The following WASHC5 variants were observed in gnomAD, a reference collection of about 807,000 sequenced individuals.
WASHC5 encodes WASH complex subunit strumpellin.
A neutral mutation model predicts 150.4 loss-of-function variants in WASHC5; 101 were observed. That is an observed-to-expected ratio of 0.67 (90% CI 0.57 to 0.79). WASHC5 has a LOEUF of 0.79. Among genes scored for constraint, WASHC5 ranks in the 30% least tolerant of loss-of-function variants. The pLI, the probability that WASHC5 is intolerant of heterozygous loss-of-function variation, is 0.00. For missense variants in WASHC5, 1,195 were observed against 1,396.3 expected, an observed-to-expected ratio of 0.86 and a Z score of 2.30; for synonymous variants, 467 against 491.2, an observed-to-expected ratio of 0.95 and a Z score of 0.65.
chr8:125,071,015 G>A (rs1206483752), intron 9 of WASHC5, among the ~76,000 whole-genome samples: 1 of 152,226 alleles, frequency 6.6e-6, no homozygotes, highest in East Asian at 1.9e-4. Flanking sequence ...ACAAAGGAAG[G>A]CTACAGAGAA....
chr8:125,059,083 C>T (rs1410894019), intron 14 of WASHC5, 139 bp downstream of exon 14: 4 of 701,276 alleles, frequency 5.7e-6, no homozygotes, highest in African/African-American at 3.6e-5. Flanking sequence ...GGAAAAACTG[C>T]TAACAATTTC....
At chr8:125,037,472 T>G in intron 25 of WASHC5, 139 bp from the exon 26 acceptor site, 1 of 675,640 alleles carries the variant, frequency 1.5e-6, no homozygotes, top group Non-Finnish European at 2.7e-6. Flanking sequence ...TCCATTAATT[T>G]GCTGCCTTCA....
chr8:125,069,403 G>A (rs1228852652), intron 9 of WASHC5, among the ~76,000 whole-genome samples: 1 of 152,134 alleles, frequency 6.6e-6, no homozygotes, highest in Non-Finnish European at 1.5e-5. Flanking sequence ...AAAACTCTAA[G>A]ACTTAAACAG....
intron 9 of WASHC5, 33 bp downstream of exon 9, chr8:125,073,120 G>A: frequency 6.2e-7 from 1 of 1,607,680 alleles, no homozygotes; most frequent in South Asian, 1.1e-5. Context: ...TTTATGTGGA[G>A]TAATATAAAC....
chr8:125,045,352 T>C (rs1816033182), intron 20 of WASHC5, among the ~76,000 whole-genome samples: 1 of 152,222 alleles, frequency 6.6e-6, no homozygotes, highest in South Asian at 2.1e-4. Flanking sequence ...ATCCTCATAA[T>C]AGCTCTGTGG....
rs778430741 is a variant in WASHC5 at position 125,067,699 on chromosome 8, G to A, written c.1171C>T (p.Arg391Cys). ...ATCTGGTCCTTGATTTGACGAAGGC[G>A]TTTGTTGTTTGGGTCACAGGCTAGA... The part of the protein sequence containing the change: ...ADSACDPNNK[R>C]LRQIKDQILT... Residue 391 changes from arginine to cysteine, a missense_variant, in exon 10 of 29, where the codon CGC becomes TGC. Physicochemically the swap from Arg to Cys is radical, Grantham distance 180 (BLOSUM62 -3). Coordinates refer to ENST00000318410, the MANE Select transcript of WASHC5 (RefSeq NM_014846.4). 8.1e-6 allele frequency: 13 copies of A among 1,613,804 alleles called. No individual in the cohort carries two copies. The highest frequency in any genetic ancestry group is 4.5e-5 in the East Asian group (2 of 44,866).
chr8:125,055,559 T>C (rs764694173), intron 17 of WASHC5, 32 bp downstream of exon 17: 4 of 1,287,292 alleles, frequency 3.1e-6, no homozygotes, highest in Non-Finnish European at 3.4e-6. Context: ...AGAGTCATGG[T>C]GCGAGGCCAC....
chr8:125,058,996 A>G (rs1459730537), intron 14 of WASHC5, among the ~76,000 whole-genome samples: 1 of 152,258 alleles, frequency 6.6e-6, no homozygotes, highest in Non-Finnish European at 1.5e-5. Context: ...ACCTAAAAAT[A>G]GTATTCCTGA....
intron 23 of WASHC5, among the ~76,000 whole-genome samples, chr8:125,041,392 C>T (rs947931550): frequency 2.0e-5 from 3 of 152,162 alleles, no homozygotes; most frequent in African/African-American, 7.2e-5. Context: ...GCAATCCCAG[C>T]ACTTTGGGAG....
intron 23 of WASHC5, among the ~76,000 whole-genome samples, chr8:125,041,692 A>C (rs1195985704): frequency 2.0e-5 from 3 of 152,142 alleles, no homozygotes; most frequent in Non-Finnish European, 4.4e-5. Flanking sequence ...AAAGTTACTT[A>C]GCTAAATGGA....
At chr8:125,070,922 A>G (rs577527382) in intron 9 of WASHC5, among the ~76,000 whole-genome samples, 6 of 152,346 alleles carry the variant, frequency 3.9e-5, no homozygotes, top group Middle Eastern at 3.4e-3. Context: ...TGGACCACCC[A>G]TAGGAAGTGG....
At chr8:125,048,537 T>C (rs1238746566) in intron 19 of WASHC5, among the ~76,000 whole-genome samples, 1 of 152,082 alleles carries the variant, frequency 6.6e-6, no homozygotes, top group Non-Finnish European at 1.5e-5. Context: ...AAATTGAAAA[T>C]AACAAGCATT....
chr8:125,084,319 T>C (rs749075412), intron 1 of WASHC5, among the ~76,000 whole-genome samples: 4 of 152,234 alleles, frequency 2.6e-5, no homozygotes, highest in Non-Finnish European at 5.9e-5. Context: ...GTGGTTCCAA[T>C]GTACCCTGAT....
intron 12 of WASHC5, 141 bp from the exon 13 acceptor site, chr8:125,059,683 A>G (rs1044524575): frequency 8.9e-6 from 6 of 674,058 alleles, no homozygotes; most frequent in Non-Finnish European, 1.5e-5. Flanking sequence ...TAAATTTCAG[A>G]AACGTGAGCC....
intron 17 of WASHC5, among the ~76,000 whole-genome samples, chr8:125,054,923 C>G (rs1250745163): frequency 6.7e-6 from 1 of 150,224 alleles, no homozygotes; most frequent in East Asian, 1.9e-4. Flanking sequence ...AAGAATAAAG[C>G]AATTTTGACT....
At chr8:125,069,256 G>A (rs1387958527) in intron 9 of WASHC5, among the ~76,000 whole-genome samples, 1 of 152,206 alleles carries the variant, frequency 6.6e-6, no homozygotes, top group African/African-American at 2.4e-5. Flanking sequence ...ATTGACCCTT[G>A]CTAGATGCTG....
chr8:125,089,369 C>A (rs1274128341), intron 1 of WASHC5, among the ~76,000 whole-genome samples: 1 of 152,152 alleles, frequency 6.6e-6, no homozygotes, highest in Non-Finnish European at 1.5e-5. Context: ...ACATAAAATA[C>A]ACTAACACCA....
At chr8:125,091,445 C>A (rs1381372654) in intron 1 of WASHC5, among the ~76,000 whole-genome samples, 170 bp downstream of exon 1, 1 of 152,134 alleles carries the variant, frequency 6.6e-6, no homozygotes, top group African/African-American at 2.4e-5. Context: ...TAAGCGGAGA[C>A]GAAGAGCTGG....
intron 14 of WASHC5, 23 bp from the exon 15 acceptor site, chr8:125,057,689 C>T (rs1297154141): frequency 2.8e-6 from 4 of 1,423,786 alleles, no homozygotes; most frequent in Non-Finnish European, 4.0e-6. Flanking sequence ...TAAGGTATAT[C>T]TGTTTCTTGT....
Sources: gnomAD v4.1 joint callset for allele counts (sites outside exome capture counted in the v4.1 genomes callset) on GRCh38, gnomAD v4.1.1 for gene constraint, MANE v1.5 for transcripts, NCBI Gene and HGNC (gene_info 2026-07-23, HGNC 2026-07-21) for gene names.